TCF20: variants seen among roughly 807,000 people sequenced by gnomAD.
TCF20 encodes transcription factor 20, also known as SPRE-binding protein.
Under a neutral mutation model 148.6 loss-of-function variants are expected in TCF20, and 3 were observed. That is an observed-to-expected ratio of 0.02 (90% CI 0.01 to 0.05). The LOEUF (loss-of-function observed/expected upper bound fraction) is 0.05, where lower values mean the gene tolerates loss of function less well. Among genes scored for constraint, TCF20 ranks in the 10% least tolerant of loss-of-function variants. TCF20 has a pLI of 1.00. For synonymous variants in TCF20, 1,049 were observed against 909.5 expected (o/e 1.15, Z -2.76); for missense variants, 2,350 against 2,429.3 (o/e 0.97, Z 0.69).
intron 1 of TCF20, among the ~76,000 whole-genome samples, chr22:42,242,218 A>AAAAAAAAAAAAAAC (rs1555942526): frequency 9.1e-5 from 13 of 142,674 alleles, no homozygotes; most frequent in South Asian, 4.5e-4. Flanking sequence ...AAAAAAAAAA[A>AAAAAAAAAAAAAAC]AAAAAAAAAC....
At position 42,210,411 on chromosome 22, in the gene TCF20, T is replaced by C; in HGVS notation, c.4895A>G (p.Tyr1632Cys). ...CTTATTTACTACATGGATGTAAGGGTAAAAAGACTTGTTCTTGGCATCAGT... is the reference window on the plus strand; with the variant it reads ...CTTATTTACTACATGGATGTAAGGGCAAAAAGACTTGTTCTTGGCATCAGT... Reference protein sequence around the residue: ...DKTDAKNKSFYPYIHVVNKCE... With the variant: ...DKTDAKNKSFCPYIHVVNKCE... The change falls in exon 2 of 6, where the codon TAC becomes TGC. Residue 1632 changes from tyrosine to cysteine, a missense_variant. This residue lies in a region of TCF20 where 374 missense variants were observed against 398.3 expected (regional missense o/e 0.94). Coordinates refer to ENST00000677622, the MANE Select transcript of TCF20 (RefSeq NM_001378418.1). The surrounding 1 kb of genome is among the most constrained non-coding windows in gnomAD (Gnocchi z 4.7). The C allele has an allele frequency of 6.2e-7, 1 of 1,614,204 alleles. No individual in the cohort carries two copies. Among genetic ancestry groups the C allele is most frequent in the Non-Finnish European group, 8.5e-7 (1 of 1,180,036 alleles).
chr22:42,170,853 G>A (rs567754553), intron 3 of TCF20, among the ~76,000 whole-genome samples: 5 of 152,060 alleles, frequency 3.3e-5, no homozygotes, highest in East Asian at 3.9e-4. Flanking sequence ...ATCTAGACGC[G>A]TATTTTCTTC....
intron 1 of TCF20, among the ~76,000 whole-genome samples, chr22:42,331,930 G>GAT (rs1306399291): frequency 6.6e-6 from 1 of 152,220 alleles, no homozygotes; most frequent in Non-Finnish European, 1.5e-5. Flanking sequence ...GAGACAGATG[G>GAT]ATATTCCTTC....
At chr22:42,195,834 T>C (rs1032825604) in intron 2 of TCF20, among the ~76,000 whole-genome samples, 5 of 152,214 alleles carry the variant, frequency 3.3e-5, no homozygotes, top group Admixed American at 2.6e-4. Context: ...CATATTTAAA[T>C]GGCATCCAAA....
chr22:42,233,163 C>T (rs932054251), intron 1 of TCF20, among the ~76,000 whole-genome samples: 1 of 152,180 alleles, frequency 6.6e-6, no homozygotes, highest in Non-Finnish European at 1.5e-5. Flanking sequence ...CTGAAGTCAT[C>T]CACCTGCCTC....
rs1921641708 is a variant in TCF20 at position 42,215,288 on chromosome 22, C to A, written c.18G>T (p.Glu6Asp). Residue 6 changes from glutamate (E) to aspartate (D), a missense_variant, in exon 2 of 6, where the codon GAG becomes GAT. Physicochemically the swap from Glu to Asp is conservative, Grantham distance 45. Around this residue, in one of 7 missense-constraint regions of TCF20, gnomAD observed 1,641 missense variants for 1,662.6 expected, o/e 0.99. Coordinates refer to ENST00000677622, the MANE Select transcript of TCF20 (RefSeq NM_001378418.1). ...GCTGGTTTCCGTGGTAACTGCTTTG[C>A]TCCCGAAAGGACTGCATACTGTTCA... Reference protein sequence around the residue: MQSFREQSSYHGNQQS... With the variant: MQSFRDQSSYHGNQQS... 10 of 1,613,724 alleles carry A rather than the reference C, an allele frequency of 6.2e-6. No individual in the cohort carries two copies. Among genetic ancestry groups the A allele is most frequent in the Non-Finnish European group, 6.8e-6 (8 of 1,179,758 alleles).
At chr22:42,304,217 A>G in intron 1 of TCF20, among the ~76,000 whole-genome samples, 1 of 152,184 alleles carries the variant, frequency 6.6e-6, no homozygotes, top group Non-Finnish European at 1.5e-5. Context: ...TACAGCCAGA[A>G]GCACCCCCGC....
chr22:42,167,282 G>A (rs1328994708), intron 5 of TCF20, among the ~76,000 whole-genome samples: 1 of 152,198 alleles, frequency 6.6e-6, no homozygotes, highest in Non-Finnish European at 1.5e-5. Context: ...CAAATGGCGT[G>A]GCAGCCGAGG....
At chr22:42,262,628 A>G (rs529495314) in intron 1 of TCF20, among the ~76,000 whole-genome samples, 1 of 152,160 alleles carries the variant, frequency 6.6e-6, no homozygotes, top group South Asian at 2.1e-4. Flanking sequence ...GAGATCAGAG[A>G]TCACCGAGGG....
At chr22:42,215,556 T>C (rs1380214414) in intron 1 of TCF20, 1 of 548,468 alleles carries the variant, frequency 1.8e-6, no homozygotes, top group Non-Finnish European at 3.0e-6. Flanking sequence ...ATGCAACTTC[T>C]GCCTGCAGGG....
rs181774935 is a variant in TCF20 at position 42,233,142 on chromosome 22, G to C, written c.-36-17801C>G. On this transcript the variant is annotated intron_variant, in intron 1 of 5. Coordinates refer to ENST00000677622, the MANE Select transcript of TCF20 (RefSeq NM_001378418.1). Reference sequence around the variant, plus strand: ...TAACCATGTTGGCCAGACTGGTCTCGGACTCCTGACCTGAAGTCATCCACC... The same window carrying C: ...TAACCATGTTGGCCAGACTGGTCTCCGACTCCTGACCTGAAGTCATCCACC... 1.5e-3 allele frequency among the ~76,000 whole-genome samples: 232 copies of C among 152,122 alleles called. No homozygotes were observed. The Middle Eastern group carries it at 0.02, about 13-fold the overall frequency.
intron 1 of TCF20, among the ~76,000 whole-genome samples, chr22:42,332,691 C>G (rs929482863): frequency 6.6e-6 from 1 of 152,206 alleles, no homozygotes; most frequent in Non-Finnish European, 1.5e-5. Context: ...TGGTCTCAAA[C>G]TCCTGACCTC....
rs932643876 is a variant in TCF20, at chr22:42,213,720, T to C, written c.1586A>G (p.Asp529Gly). The C allele has an allele frequency of 1.9e-6, 3 of 1,613,880 alleles. No individual in the cohort carries two copies. The highest frequency in any genetic ancestry group is 1.7e-6 in the Non-Finnish European group (2 of 1,179,954). ...LDGGCSSSSEDQGERVRQLSG... is the reference protein window; with the variant it reads ...LDGGCSSSSEGQGERVRQLSG... Reference sequence around the variant, plus strand: ...TAGTTGCCGCACTCTCTCGCCTTGATCCTCTGAACTGCTGGAGCAGCCTCC... The same window carrying C: ...TAGTTGCCGCACTCTCTCGCCTTGACCCTCTGAACTGCTGGAGCAGCCTCC... Residue 529 changes from aspartate (D) to glycine (G), a missense_variant, in exon 2 of 6, where the codon GAT (aspartate) becomes GGT (glycine). Physicochemically the swap from Asp to Gly is moderately conservative, Grantham distance 94. Around this residue, in one of 7 missense-constraint regions of TCF20, gnomAD observed 1,641 missense variants for 1,662.6 expected, o/e 0.99. Coordinates refer to ENST00000677622, the MANE Select transcript of TCF20 (RefSeq NM_001378418.1).
intron 2 of TCF20, among the ~76,000 whole-genome samples, chr22:42,195,919 C>G (rs1231536488): frequency 6.6e-6 from 1 of 151,280 alleles, no homozygotes; most frequent in Admixed American, 6.5e-5. Flanking sequence ...CAAATTTACC[C>G]TGCACTGATC....
Position 42,268,251 on chromosome 22 carries a change from G to C in TCF20, c.-37+2088C>G, listed in dbSNP as rs370266848. ...ATTGTAACATATTGGGCTCATATCCGGCCCAGCAGCACAGTTCTAGAAATT... is the reference window on the plus strand; with the variant it reads ...ATTGTAACATATTGGGCTCATATCCCGCCCAGCAGCACAGTTCTAGAAATT... On this transcript the variant is annotated intron_variant, in intron 1 of 5. Coordinates refer to ENST00000677622, the MANE Select transcript of TCF20 (RefSeq NM_001378418.1). Among the ~76,000 whole-genome samples the C allele has an allele frequency of 7.9e-5, 12 of 152,266 alleles. No individual in the cohort carries two copies. The South Asian group carries it at 1.9e-3, about 24-fold the overall frequency.
rs1926863204 is a variant in TCF20 at position 42,279,886 on chromosome 22, C to T, written c.-37+3941G>A. Among the ~76,000 whole-genome samples, 1 of 152,176 alleles carries T rather than the reference C, an allele frequency of 6.6e-6. No homozygotes were observed. The highest frequency in any genetic ancestry group is 1.5e-5 in the Non-Finnish European group (1 of 68,038). ...TGGGCTGGATGTGGCTCCCCAGCCCCGTAGACACCACCCCAGGTGCTCCTC... is the reference window on the plus strand; with the variant it reads ...TGGGCTGGATGTGGCTCCCCAGCCCTGTAGACACCACCCCAGGTGCTCCTC... On this transcript the variant is annotated intron_variant, in intron 1 of 5. Coordinates refer to the TCF20 transcript ENST00000359486. The surrounding 1 kb of genome is among the most constrained non-coding windows in gnomAD (Gnocchi z 4.3).
intron 3 of TCF20, among the ~76,000 whole-genome samples, chr22:42,178,057 C>T (rs1201238854): frequency 6.6e-6 from 1 of 152,092 alleles, no homozygotes; most frequent in Non-Finnish European, 1.5e-5. Flanking sequence ...CATGATGAAG[C>T]CTCCAAAAAA....
intron 1 of TCF20, among the ~76,000 whole-genome samples, chr22:42,283,215 C>G (rs1926945883): frequency 6.6e-6 from 1 of 152,252 alleles, no homozygotes; most frequent in Non-Finnish European, 1.5e-5. Context: ...CAGCAGACCA[C>G]CCACTGCCCC....
chr22:42,321,840 G>A (rs371214157), intron 1 of TCF20, among the ~76,000 whole-genome samples: 2 of 151,520 alleles, frequency 1.3e-5, no homozygotes, highest in Non-Finnish European at 3.0e-5. Context: ...CCAGCTACTC[G>A]GGAGGCTGAG....
Sources: allele counts gnomAD v4.1 joint callset (sites outside exome capture counted in the v4.1 genomes callset), GRCh38; gene constraint gnomAD v4.1.1; regional missense constraint gnomAD v4.1.1; non-coding constraint Gnocchi (gnomAD v3.1); transcripts MANE v1.5; gene names NCBI Gene and HGNC (gene_info 2026-07-23, HGNC 2026-07-21).